LINGO2: variants seen among roughly 807,000 people sequenced by gnomAD.
LINGO2 encodes leucine rich repeat and Ig domain containing 2, also known as leucine-rich repeat and immunoglobulin-like domain-containing nogo receptor-interacting protein 2.
In LINGO2, 14 loss-of-function variants were observed where a neutral mutation model predicts 30.6. That is an observed-to-expected ratio of 0.46 (90% CI 0.30 to 0.72). The LOEUF (loss-of-function observed/expected upper bound fraction) is 0.72, where lower values mean the gene tolerates loss of function less well. Among genes scored for constraint, LINGO2 ranks in the 30% least tolerant of loss-of-function variants. LINGO2 has a pLI of 0.07. For synonymous variants in LINGO2, 317 were observed against 288.5 expected (o/e 1.10, Z -1.00); for missense variants, 729 against 751.7 (o/e 0.97, Z 0.35).
chr9:29,003,802 A>G, the LINGO2 span, among the ~76,000 whole-genome samples: 1 of 152,010 alleles, frequency 6.6e-6, no homozygotes. Flanking sequence ...GCATAAGTCA[A>G]TGCCAGAGCA....
chr9:28,931,161 A>T, the LINGO2 span, among the ~76,000 whole-genome samples: 2 of 152,204 alleles, frequency 1.3e-5, no homozygotes, highest in Non-Finnish European at 2.9e-5. Flanking sequence ...ATGATGTCAG[A>T]TCCTTTTCAG....
the LINGO2 span, among the ~76,000 whole-genome samples, chr9:28,747,412 C>T: frequency 1.3e-5 from 2 of 152,100 alleles, no homozygotes; most frequent in South Asian, 2.1e-4. Context: ...CGTGCATGAC[C>T]GGATTCTTCC....
At chr9:28,142,109 A>G (rs1827688166) in intron 4 of LINGO2, among the ~76,000 whole-genome samples, 1 of 150,286 alleles carries the variant, frequency 6.7e-6, no homozygotes, top group South Asian at 2.1e-4. Context: ...TGTGTACTTC[A>G]TGAAAACCAG....
chr9:29,022,077 T>A, the LINGO2 span, among the ~76,000 whole-genome samples: 1 of 152,172 alleles, frequency 6.6e-6, no homozygotes, highest in Non-Finnish European at 1.5e-5. Flanking sequence ...CCTTCTTAAA[T>A]TACTAATAAT....
At chr9:28,706,029 T>C in the LINGO2 span, among the ~76,000 whole-genome samples, 5 of 152,130 alleles carry the variant, frequency 3.3e-5, no homozygotes, top group Non-Finnish European at 7.4e-5. Context: ...ACTCCAGCTT[T>C]TCAGACAATA....
the LINGO2 span, among the ~76,000 whole-genome samples, chr9:28,783,439 T>A: frequency 6.6e-6 from 1 of 152,132 alleles, no homozygotes; most frequent in Non-Finnish European, 1.5e-5. Flanking sequence ...TACTTAATAT[T>A]TTTTTACTTT....
rs1032515574 is a variant in LINGO2, at chr9:28,632,858, A to T, written c.-365+37342T>A. Among the ~76,000 whole-genome samples, 846 of 93,364 alleles carry T rather than the reference A, an allele frequency of 9.1e-3. 39 individuals carry two copies. Among genetic ancestry groups the T allele is most frequent in the African/African-American group, 0.036 (760 of 21,400 alleles). The allele number at this position is 93,364 out of a possible 152,430, so 61.3% of individuals were successfully genotyped here. On this transcript the variant is annotated intron_variant, in intron 1 of 5. Transcript: ENST00000379992. ...ATATATAAATCTATATATATTTTTT[A>T]TATATATATATATATATATATGTAG...
intron 4 of LINGO2, among the ~76,000 whole-genome samples, chr9:28,202,132 A>G (rs1047311759): frequency 6.6e-6 from 1 of 152,162 alleles, no homozygotes; most frequent in East Asian, 1.9e-4. Context: ...TAAGAACACC[A>G]GTCATATTAT....
intron 4 of LINGO2, among the ~76,000 whole-genome samples, chr9:28,293,615 T>C (rs1002972204): frequency 6.6e-6 from 1 of 152,146 alleles, no homozygotes; most frequent in African/African-American, 2.4e-5. Context: ...GATGGTATTG[T>C]CCAATTCTTC....
At chr9:28,100,810 T>C (rs964431609) in intron 4 of LINGO2, among the ~76,000 whole-genome samples, 2 of 152,180 alleles carry the variant, frequency 1.3e-5, no homozygotes, top group African/African-American at 4.8e-5. Context: ...GTCTGACTTA[T>C]TAGAATTGAT....
the LINGO2 span, among the ~76,000 whole-genome samples, chr9:28,709,785 C>G: frequency 6.6e-6 from 1 of 151,904 alleles, no homozygotes; most frequent in Middle Eastern, 3.4e-3. Flanking sequence ...GCTACTTACA[C>G]AAATATACTC....
At chr9:29,103,535 TTTC>T in the LINGO2 span, among the ~76,000 whole-genome samples, 24 of 152,026 alleles carry the variant, frequency 1.6e-4, no homozygotes, top group Admixed American at 1.4e-3. Context: ...GTTTATAATA[TTTC>T]TTTTTTAAAA....
intron 4 of LINGO2, among the ~76,000 whole-genome samples, chr9:28,189,189 A>T (rs1354711329): frequency 6.6e-6 from 1 of 150,830 alleles, no homozygotes; most frequent in Non-Finnish European, 1.5e-5. Flanking sequence ...TAGCCAGAGC[A>T]GTGATCTTTT....
chr9:29,139,786 A>T, the LINGO2 span, among the ~76,000 whole-genome samples: 3 of 152,066 alleles, frequency 2.0e-5, no homozygotes, highest in African/African-American at 7.2e-5. Flanking sequence ...AAGAGATGGA[A>T]CATGTGTTTA....
intron 3 of LINGO2, among the ~76,000 whole-genome samples, chr9:28,338,567 T>C (rs533390765): frequency 6.6e-6 from 1 of 152,272 alleles, no homozygotes; most frequent in South Asian, 2.1e-4. Context: ...AATCTCATCT[T>C]GAATTGTAGT....
At chr9:28,554,796 A>T (rs10812842) in intron 1 of LINGO2, among the ~76,000 whole-genome samples, 131,598 of 132,930 alleles carry the variant, frequency 0.99, 65,197 homozygotes, top group Middle Eastern at 1. Flanking sequence ...TATAACAAAC[A>T]ATCTCTCAGA....
the LINGO2 span, among the ~76,000 whole-genome samples, chr9:28,842,870 A>G: frequency 6.6e-6 from 1 of 151,938 alleles, no homozygotes. Flanking sequence ...TTACTCTGAG[A>G]TGAAATAGGC....
At chr9:28,652,330 T>G (rs1828139189) in intron 1 of LINGO2, among the ~76,000 whole-genome samples, 1 of 152,166 alleles carries the variant, frequency 6.6e-6, no homozygotes, top group Non-Finnish European at 1.5e-5. Context: ...AACTACTAAG[T>G]TGGCACTTTC....
chr9:28,782,704 A>T, the LINGO2 span, among the ~76,000 whole-genome samples: 4 of 152,200 alleles, frequency 2.6e-5, no homozygotes, highest in Admixed American at 6.5e-5. Context: ...TTTGAAAGTC[A>T]TCCTAGCATC....
Sources: gnomAD v4.1 joint callset for allele counts (sites outside exome capture counted in the v4.1 genomes callset) on GRCh38, gnomAD v4.1.1 for gene constraint, MANE v1.5 for transcripts, NCBI Gene and HGNC (gene_info 2026-07-23, HGNC 2026-07-21) for gene names.